PTPRD: variants seen among roughly 807,000 people sequenced by gnomAD.
The protein encoded by PTPRD is receptor-type tyrosine-protein phosphatase delta.
A neutral mutation model predicts 214.5 loss-of-function variants in PTPRD; 34 were observed. That is an observed-to-expected ratio of 0.16 (90% CI 0.12 to 0.21). The LOEUF (loss-of-function observed/expected upper bound fraction) is 0.21, where lower values mean the gene tolerates loss of function less well. Ranked by LOEUF, PTPRD falls within the 10% of genes least tolerant of loss-of-function variation. The pLI is 1.00. For missense variants in PTPRD, 2,545 were observed against 2,398.7 expected (o/e 1.06, Z -1.27); for synonymous variants, 1,128 against 845.7 (o/e 1.33, Z -5.79).
intron 5 of PTPRD, among the ~76,000 whole-genome samples, chr9:9,920,281 G>A (rs1006811536): frequency 3.9e-5 from 6 of 152,044 alleles, no homozygotes; most frequent in African/African-American, 1.4e-4. Context: ...TCAATAAGCT[G>A]ATTTGTCTTC....
At chr9:10,016,277 C>T (rs1016570063) in intron 4 of PTPRD, among the ~76,000 whole-genome samples, 1 of 151,980 alleles carries the variant, frequency 6.6e-6, no homozygotes, top group South Asian at 2.1e-4. Context: ...TATAGTAACC[C>T]ATTTACAGTA....
At chr9:9,814,245 G>A (rs1270525542) in intron 5 of PTPRD, among the ~76,000 whole-genome samples, 1 of 151,260 alleles carries the variant, frequency 6.6e-6, no homozygotes, top group Non-Finnish European at 1.5e-5. Flanking sequence ...CAAGACAAAT[G>A]TGTCTCTCTT....
At chr9:10,229,079 C>T (rs559478480) in intron 3 of PTPRD, among the ~76,000 whole-genome samples, 2 of 152,066 alleles carry the variant, frequency 1.3e-5, no homozygotes, top group South Asian at 2.1e-4. Context: ...GACATTTATG[C>T]AGCCAAAAGA....
At chr9:9,386,634 TATG>T (rs1286490423) in intron 9 of PTPRD, among the ~76,000 whole-genome samples, 1 of 152,068 alleles carries the variant, frequency 6.6e-6, no homozygotes, top group African/African-American at 2.4e-5. Flanking sequence ...AATAGCAAAA[TATG>T]AGGAAAAATT....
chr9:9,970,438 AAAAAAG>A (rs1041043624), intron 4 of PTPRD, among the ~76,000 whole-genome samples: 21 of 140,380 alleles, frequency 1.5e-4, no homozygotes, highest in East Asian at 1.0e-3. Context: ...TCAAAAAAAA[AAAAAAG>A]AAAAAGAAAA....
intron 8 of PTPRD, among the ~76,000 whole-genome samples, chr9:9,471,744 T>G (rs1196087794): frequency 6.7e-6 from 1 of 149,996 alleles, no homozygotes; most frequent in Non-Finnish European, 1.5e-5. Flanking sequence ...TTACACAAAC[T>G]TTTAGGCTAA....
At chr9:10,225,999 A>G (rs540354448) in intron 3 of PTPRD, among the ~76,000 whole-genome samples, 1 of 152,158 alleles carries the variant, frequency 6.6e-6, no homozygotes, top group South Asian at 2.1e-4. Flanking sequence ...TTTAAGTCCT[A>G]CTGCAGTTTA....
intron 35 of PTPRD, among the ~76,000 whole-genome samples, chr9:8,425,680 G>C (rs754304336): frequency 6.7e-6 from 1 of 150,320 alleles, no homozygotes; most frequent in Non-Finnish European, 1.5e-5. Flanking sequence ...TTTTTTTTCT[G>C]TTTCTCCTAG....
chr9:8,632,813 A>G (rs1219943149), intron 14 of PTPRD, among the ~76,000 whole-genome samples: 4 of 152,160 alleles, frequency 2.6e-5, no homozygotes, highest in African/African-American at 9.6e-5. Flanking sequence ...AAGATAACAG[A>G]CAAATAAAAA....
intron 14 of PTPRD, among the ~76,000 whole-genome samples, chr9:8,556,748 A>T (rs375378757): frequency 2.2e-4 from 33 of 151,782 alleles, no homozygotes; most frequent in African/African-American, 7.8e-4. Context: ...TTTGACAGGT[A>T]AAAAAAGTGT....
chr9:10,202,265 C>G (rs912566327), intron 3 of PTPRD, among the ~76,000 whole-genome samples: 1 of 151,932 alleles, frequency 6.6e-6, no homozygotes, highest in African/African-American at 2.4e-5. Flanking sequence ...TCTAATAATA[C>G]AGTCATAGCA....
chr9:8,643,579 G>C (rs1595922486), intron 12 of PTPRD, among the ~76,000 whole-genome samples: 1 of 152,116 alleles, frequency 6.6e-6, no homozygotes, highest in African/African-American at 2.4e-5. Context: ...CGGGGAATAG[G>C]GGACCCACCA....
At chr9:9,853,041 ATGCTC>A (rs2060843026) in intron 5 of PTPRD, among the ~76,000 whole-genome samples, 1 of 152,174 alleles carries the variant, frequency 6.6e-6, no homozygotes, top group Admixed American at 6.5e-5. Flanking sequence ...GTCTAATTCT[ATGCTC>A]TCCATAGAGG....
chr9:10,080,476 A>G (rs2098218388), intron 3 of PTPRD, among the ~76,000 whole-genome samples: 1 of 152,146 alleles, frequency 6.6e-6, no homozygotes, highest in South Asian at 2.1e-4. Flanking sequence ...TTAGAAATGC[A>G]TTAGAAGAAA....
chr9:10,027,373 G>A (rs981400229), intron 4 of PTPRD, among the ~76,000 whole-genome samples: 1 of 152,138 alleles, frequency 6.6e-6, no homozygotes, highest in Non-Finnish European at 1.5e-5. Flanking sequence ...TTTCCAAGCT[G>A]TCAGGGAAAC....
At chr9:10,092,338 T>A (rs1427317740) in intron 3 of PTPRD, among the ~76,000 whole-genome samples, 1 of 151,394 alleles carries the variant, frequency 6.6e-6, no homozygotes, top group Admixed American at 6.6e-5. Flanking sequence ...TCAGAAAAGG[T>A]GATAATGCCT....
intron 8 of PTPRD, among the ~76,000 whole-genome samples, chr9:9,431,164 G>A (rs1489561940): frequency 1.3e-5 from 2 of 151,426 alleles, no homozygotes; most frequent in African/African-American, 4.8e-5. Flanking sequence ...TCTGACAAAG[G>A]GCTAATATCC....
At chr9:10,612,279 G>A (rs10959199) in intron 2 of PTPRD, 119 bp downstream of exon 2, 1 of 150,210 alleles carries the variant, frequency 6.7e-6, no homozygotes, top group African/African-American at 2.4e-5. Context: ...AGTTATATAA[G>A]TCAAGTTATT....
intron 11 of PTPRD, among the ~76,000 whole-genome samples, chr9:8,941,298 G>C (rs72706287): frequency 6.6e-6 from 1 of 152,154 alleles, no homozygotes; most frequent in Non-Finnish European, 1.5e-5. Context: ...AACAAGAGGA[G>C]TGTATTTGCA....
Sources: gnomAD v4.1 joint callset for allele counts (sites outside exome capture counted in the v4.1 genomes callset) on GRCh38, gnomAD v4.1.1 for gene constraint, MANE v1.5 for transcripts, NCBI Gene and HGNC (gene_info 2026-07-23, HGNC 2026-07-21) for gene names.